AMPD3: variants seen among roughly 807,000 people sequenced by gnomAD.
AMPD3 encodes the protein AMP deaminase 3.
In AMPD3, 57 loss-of-function variants were observed where a neutral mutation model predicts 82.3. The observed-to-expected ratio is 0.69, with a 90% confidence interval of 0.56 to 0.86. The LOEUF is 0.86. Among genes scored for constraint, AMPD3 ranks in the 40% least tolerant of loss-of-function variants. The pLI is 0.00. For synonymous variants in AMPD3, 381 were observed against 394.7 expected, an observed-to-expected ratio of 0.97 and a Z score of 0.41; for missense variants, 870 against 1,003.8, an observed-to-expected ratio of 0.87 and a Z score of 1.80.
chr11:10,456,977 CT>C lies in AMPD3; in HGVS notation c.-6+1547del, dbSNP rs571427952. Among the ~76,000 whole-genome samples the C allele has an allele frequency of 6.9e-3, 890 of 129,198 alleles. 1 individual carries two copies. The highest frequency in any genetic ancestry group is 0.019 in the South Asian group (75 of 4,002). The allele number at this position is 129,198 out of a possible 152,430, so 84.8% of individuals were successfully genotyped here. A position where few individuals can be genotyped will look rare whatever the true frequency, so the allele number is the denominator to read the frequency against. Reference sequence around the variant, plus strand: ...TTGTTGTGGTTGCTGTTGTTTCTTGCTTTTTTTTTTTTTTTTTTGAGAGAAG... The same window carrying C: ...TTGTTGTGGTTGCTGTTGTTTCTTGCTTTTTTTTTTTTTTTTTGAGAGAAG... On this transcript the variant is annotated intron_variant, in intron 1 of 14. Transcript: ENST00000396553. This position sits in a 1 kb window ranked among gnomAD's most constrained non-coding sequence, Gnocchi z 4.3.
At chr11:10,496,193 G>C (rs1257107171) in intron 9 of AMPD3, 1 of 984,142 alleles carries the variant, frequency 1.0e-6, no homozygotes, top group Non-Finnish European at 1.2e-6. Flanking sequence ...GGGATTACAG[G>C]TGTGAGCCAC....
At chr11:10,487,128 C>A (rs896615743) in intron 5 of AMPD3, 107 bp from the exon 6 acceptor site, 7 of 1,587,094 alleles carry the variant, frequency 4.4e-6, no homozygotes, top group Non-Finnish European at 6.0e-6. Context: ...CGCCCTGCTC[C>A]GTCCTGACCC....
intron 5 of AMPD3, among the ~76,000 whole-genome samples, chr11:10,485,346 A>G (rs1425177629): frequency 6.6e-6 from 1 of 152,056 alleles, no homozygotes; most frequent in African/African-American, 2.4e-5. Flanking sequence ...TCCTGGGTTG[A>G]AGTGATTCTC....
chr11:10,479,589 A>C, intron 3 of AMPD3, among the ~76,000 whole-genome samples: 1 of 152,218 alleles, frequency 6.6e-6, no homozygotes, highest in South Asian at 2.1e-4. Context: ...TTATTCAGCC[A>C]CCCATTCTCC....
At chr11:10,469,230 G>A (rs1173707972) in intron 2 of AMPD3, among the ~76,000 whole-genome samples, 2 of 150,574 alleles carry the variant, frequency 1.3e-5, no homozygotes, top group East Asian at 3.9e-4. Flanking sequence ...AAAGATCAAT[G>A]AAATAAATAG....
chr11:10,463,179 T>G (rs1347213855), intron 2 of AMPD3, among the ~76,000 whole-genome samples: 1 of 152,232 alleles, frequency 6.6e-6, no homozygotes, highest in Non-Finnish European at 1.5e-5. Context: ...GCCTCAGTTT[T>G]AAAGGCAAGT....
At chr11:10,484,301 C>T (rs1848999328) in intron 4 of AMPD3, 1 of 985,238 alleles carries the variant, frequency 1.0e-6, no homozygotes, top group African/African-American at 1.7e-5. Context: ...GAGACAAGTT[C>T]CCTATCCTTT....
rs569705212 is a variant in AMPD3 at position 10,495,749 on chromosome 11, C to T, written c.1430+16C>T. 21 of 1,613,826 alleles carry T rather than the reference C, an allele frequency of 1.3e-5. No homozygotes were observed. Among genetic ancestry groups the T allele is most frequent in the Admixed American group, 8.3e-5 (5 of 60,026 alleles). On this transcript the variant is annotated intron_variant, in intron 9 of 14. Transcript: ENST00000396553. ...CCCGGATTTAGTAAGTGAGGTGGCC[C>T]GCTGTCTACCCTGTGCCCTACAGAG...
At chr11:10,462,262 G>A (rs1352334022) in intron 2 of AMPD3, among the ~76,000 whole-genome samples, 1 of 152,196 alleles carries the variant, frequency 6.6e-6, no homozygotes, top group Non-Finnish European at 1.5e-5. Context: ...AACCAATGAA[G>A]TATTAGAATT....
chr11:10,450,849 G>A, upstream of AMPD3: 1 of 1,201,076 alleles, frequency 8.3e-7, no homozygotes, highest in Non-Finnish European at 1.0e-6. Context: ...GGCCCTCCTG[G>A]CCGGGGATCC....
chr11:10,497,663 A>G lies in AMPD3; in HGVS notation c.1557+725A>G, dbSNP rs528717444. On this transcript the variant is annotated intron_variant, in intron 10 of 14. Transcript: ENST00000396553. ...CAAGCTGAGGGACATCATCAAATTT[A>G]TGTTTTAGACAAACATATTCTGGCT... The G allele has an allele frequency of 1.3e-5, 13 of 985,224 alleles. No homozygotes were observed. In the South Asian group the frequency reaches 5.6e-4, roughly 43 times the overall value. The allele number at this position is 985,224 out of a possible 1,614,324, so 61.0% of individuals were successfully genotyped here.
Position 10,461,559 on chromosome 11 carries a change from GA to G in AMPD3, c.41del (p.Asp14ValfsTer67). The G allele has an allele frequency of 6.2e-7, 1 of 1,614,232 alleles. No individual in the cohort carries two copies. The highest frequency in any genetic ancestry group is 8.5e-7 in the Non-Finnish European group (1 of 1,180,048). ...QFPKLNISEV[D>X]EQVRLLAEKV... The stretch of plus-strand genomic sequence containing the variant: ...TCCCAAGCTGAACATCTCTGAAGTG[GA>G]TGAGCAAGTCCGGCTCCTGGCGGAG... On this transcript the variant is annotated frameshift_variant, in exon 2 of 15. Coordinates refer to ENST00000396553, the MANE Select transcript of AMPD3 (RefSeq NM_001025389.2). LOFTEE classifies it high-confidence loss of function.
Position 10,456,648 on chromosome 11 carries a change from T to C in AMPD3, c.-6+1200T>C. 1.0e-6 allele frequency: 1 copy of C among 979,358 alleles called. No homozygotes were observed. Among genetic ancestry groups the C allele is most frequent in the Non-Finnish European group, 1.2e-6 (1 of 824,380 alleles). 60.7% of individuals were successfully genotyped at this position (979,358 alleles called of 1,614,324 possible). A position where few individuals can be genotyped will look rare whatever the true frequency, so the allele number is the denominator to read the frequency against. On this transcript the variant is annotated intron_variant, in intron 1 of 14. Coordinates refer to ENST00000396553, the MANE Select transcript of AMPD3 (RefSeq NM_001025389.2). This position sits in a 1 kb window ranked among gnomAD's most constrained non-coding sequence, Gnocchi z 4.3. ...TGTATCATTGGCTGACTGATGCTGG[T>C]GAATTCACAGCTAAGCCTCCCAAGC...
Position 10,500,142 on chromosome 11 carries a change from C to T in AMPD3, c.1614C>T (p.Ser538=), listed in dbSNP as rs781317958. The T allele has an allele frequency of 1.8e-5, 29 of 1,614,064 alleles. No homozygotes were observed. Among genetic ancestry groups the T allele is most frequent in the Non-Finnish European group, 2.3e-5 (27 of 1,180,046 alleles). The change falls in exon 11 of 15, where the codon TCC becomes TCT. Residue 538 remains serine, a synonymous_variant. Coordinates refer to ENST00000396553, the MANE Select transcript of AMPD3 (RefSeq NM_001025389.2). The stretch of plus-strand genomic sequence containing the variant: ...CCAAGCACAGCGACCACATGTTTTC[C>T]GACAAGAGCCCAAACCCGGACGTCT... The part of the protein sequence containing the change: ...DESKHSDHMF[S]DKSPNPDVWT...
chr11:10,478,362 G>C, intron 2 of AMPD3, 164 bp from the exon 3 acceptor site: 1 of 983,194 alleles, frequency 1.0e-6, no homozygotes. Flanking sequence ...AGGCAGACAT[G>C]TGTAAGAGGA....
chr11:10,489,383 G>A (rs1370856814), intron 6 of AMPD3, among the ~76,000 whole-genome samples: 4 of 152,222 alleles, frequency 2.6e-5, no homozygotes, highest in African/African-American at 9.6e-5. Context: ...TGCTGGCACT[G>A]ACACTGTTTT....
chr11:10,497,469 G>A (rs1849445487), intron 10 of AMPD3: 2 of 575,228 alleles, frequency 3.5e-6, no homozygotes, highest in African/African-American at 2.0e-5. Context: ...GGCGGAGGGG[G>A]CGGGAGCCGG....
intron 2 of AMPD3, among the ~76,000 whole-genome samples, chr11:10,470,948 T>G (rs1352485754): frequency 1.3e-5 from 2 of 152,130 alleles, no homozygotes; most frequent in African/African-American, 4.8e-5. Flanking sequence ...CTTCACAGAA[T>G]TAGAAAAAAA....
Position 10,458,334 on chromosome 11 carries a change from C to A in AMPD3, c.-6+2886C>A, listed in dbSNP as rs564286295. On this transcript the variant is annotated intron_variant, in intron 1 of 14. Transcript: ENST00000396553. ...CTCCCTTCGGCAATTAAGGAGGGAG[C>A]CCTAATTGCCAAAACCTGCCAGAAA... 2.0e-5 allele frequency among the ~76,000 whole-genome samples: 3 copies of A among 150,068 alleles called. No homozygotes were observed. The South Asian group carries it at 6.3e-4, about 32-fold the overall frequency.
Sources: allele counts gnomAD v4.1 joint callset (sites outside exome capture counted in the v4.1 genomes callset), GRCh38; gene constraint gnomAD v4.1.1; non-coding constraint Gnocchi (gnomAD v3.1); transcripts MANE v1.5; gene names NCBI Gene and HGNC (gene_info 2026-07-23, HGNC 2026-07-21).